The following PPP1R13B variants were observed in gnomAD, a reference collection of about 807,000 sequenced individuals.
PPP1R13B encodes apoptosis-stimulating of p53 protein 1.
Under a neutral mutation model 119.8 loss-of-function variants are expected in PPP1R13B, and 44 were observed. The ratio of observed to expected loss-of-function variants is 0.37; its 90% CI spans 0.29 to 0.47. PPP1R13B has a LOEUF of 0.47. Ranked by LOEUF, PPP1R13B falls within the 20% of genes least tolerant of loss-of-function variation. The probability of loss-of-function intolerance (pLI) is 0.99; values close to 1 mark genes in which losing one functional copy is unlikely to be tolerated. For missense variants in PPP1R13B, 1,227 were observed against 1,413.5 expected (o/e 0.87, Z 2.12); for synonymous variants, 542 against 561.5 (o/e 0.97, Z 0.49).
chr14:103,769,205 C>T (rs1464725825), intron 4 of PPP1R13B, among the ~76,000 whole-genome samples: 1 of 152,152 alleles, frequency 6.6e-6, no homozygotes, highest in Non-Finnish European at 1.5e-5. Flanking sequence ...CCTGCTTAAG[C>T]CTCCCGAGTA....
rs1373928893 is a variant in PPP1R13B at position 103,762,800 on chromosome 14, G to C, written c.355-5049C>G. The C allele has an allele frequency of 2.6e-5, 21 of 804,724 alleles. No homozygotes were observed. The Admixed American group carries it at 4.0e-4, about 15-fold the overall frequency. The allele number at this position is 804,724 out of a possible 1,614,324, so 49.8% of individuals were successfully genotyped here. ...GTGGTGGCGGCGGCCGCCCGCTCCA[G>C]CCATGCTGAATAAAAACAGGAAGGA... On this transcript the variant is annotated intron_variant, in intron 4 of 16. Coordinates refer to ENST00000202556, the MANE Select transcript of PPP1R13B (RefSeq NM_015316.3).
At chr14:103,793,866 T>G (rs1826721739) in intron 2 of PPP1R13B, among the ~76,000 whole-genome samples, 1 of 152,204 alleles carries the variant, frequency 6.6e-6, no homozygotes, top group South Asian at 2.1e-4. Flanking sequence ...CCCCGCTAAA[T>G]TCATCTGTTG....
chr14:103,739,822 A>G lies in PPP1R13B; in HGVS notation c.2592+2T>C. 1 of 1,601,142 alleles carries G rather than the reference A, an allele frequency of 6.2e-7. No homozygotes were observed. Among genetic ancestry groups the G allele is most frequent in the East Asian group, 2.2e-5 (1 of 44,684 alleles). On this transcript the variant is annotated splice_donor_variant, in intron 12 of 16. Transcript: ENST00000202556. LOFTEE classifies it high-confidence loss of function. ...AGGCTTTGGTCTAGCAATGACACCCACCGTGGAGGTGGCAGGAGGGTGGCT... is the reference window on the plus strand; with the variant it reads ...AGGCTTTGGTCTAGCAATGACACCCGCCGTGGAGGTGGCAGGAGGGTGGCT...
At chr14:103,758,414 C>T (rs1401619640) in intron 4 of PPP1R13B, among the ~76,000 whole-genome samples, 1 of 152,144 alleles carries the variant, frequency 6.6e-6, no homozygotes, top group African/African-American at 2.4e-5. Flanking sequence ...CTGTTACATC[C>T]CTGTTTTACA....
rs2084240147 is a variant in PPP1R13B, at chr14:103,740,850, A to G, written c.1823-257T>C. 6.6e-6 allele frequency among the ~76,000 whole-genome samples: 1 copy of G among 152,236 alleles called. No individual in the cohort carries two copies. On this transcript the variant is annotated intron_variant, in intron 11 of 16. Coordinates refer to ENST00000202556, the MANE Select transcript of PPP1R13B (RefSeq NM_015316.3). This position sits in a 1 kb window ranked among gnomAD's most constrained non-coding sequence, Gnocchi z 4.6. The stretch of plus-strand genomic sequence containing the variant: ...CCAGAACTGGAGCTTTTTCAAAAGA[A>G]AAAAATAGGGTGCTAACCCGACTTT...
At chr14:103,800,303 G>A (rs2085867830) in intron 1 of PPP1R13B, among the ~76,000 whole-genome samples, 1 of 152,150 alleles carries the variant, frequency 6.6e-6, no homozygotes, top group Non-Finnish European at 1.5e-5. Context: ...GGGCAACAGA[G>A]CCAGACCTTA....
chr14:103,826,512 G>A (rs1011417691), intron 1 of PPP1R13B, among the ~76,000 whole-genome samples: 5 of 152,182 alleles, frequency 3.3e-5, no homozygotes, highest in South Asian at 4.1e-4. Context: ...ATTTCTCCTC[G>A]CTTTATAGTA....
At position 103,733,988 on chromosome 14, in the gene PPP1R13B, T is replaced by C. The variant is rs2151955310; in HGVS notation, c.*1166A>G. On this transcript the variant is annotated 3_prime_UTR_variant, in exon 17 of 17. Coordinates refer to ENST00000202556, the MANE Select transcript of PPP1R13B (RefSeq NM_015316.3). ...ATGAAAAATAGAGCCTAAGGGCCTG[T>C]ATTTTAATGAGAAAAAAAAAATTTC... 1 of 161,282 alleles carries C rather than the reference T, an allele frequency of 6.2e-6. No individual in the cohort carries two copies. Among genetic ancestry groups the C allele is most frequent in the East Asian group, 1.7e-4 (1 of 5,806 alleles). 10.0% of individuals were successfully genotyped at this position (161,282 alleles called of 1,614,324 possible). A position where few individuals can be genotyped will look rare whatever the true frequency, so the allele number is the denominator to read the frequency against.
In PPP1R13B at chr14:103,761,619, C is replaced by T. The variant is rs185743189; in HGVS notation, c.355-3868G>A. On this transcript the variant is annotated intron_variant, in intron 4 of 16. Transcript: ENST00000202556. ...TCTACTAAAAATACAAAAAATTAGC[C>T]GGGCATGGTGGCAGGTGCCTGTAAT... is the stretch of plus-strand genomic sequence containing the variant. Among the ~76,000 whole-genome samples the T allele has an allele frequency of 1.8e-3, 278 of 151,922 alleles. 1 individual carries two copies. Among genetic ancestry groups the T allele is most frequent in the African/African-American group, 6.3e-3 (262 of 41,434 alleles).
rs1420753571 is a variant in PPP1R13B at position 103,756,092 on chromosome 14, T to C, written c.456+1558A>G. On this transcript the variant is annotated intron_variant, in intron 5 of 16. Coordinates refer to ENST00000202556, the MANE Select transcript of PPP1R13B (RefSeq NM_015316.3). ...CTTTAAAGCCAGTTTGGAATTTTTTTTTCTTTTTTTTTTTCATTTTGAGAC... is the reference window on the plus strand; with the variant it reads ...CTTTAAAGCCAGTTTGGAATTTTTTCTTCTTTTTTTTTTTCATTTTGAGAC... Among the ~76,000 whole-genome samples, 5 of 152,082 alleles carry C rather than the reference T, an allele frequency of 3.3e-5. No individual in the cohort carries two copies. In the East Asian group the frequency reaches 9.6e-4, roughly 29 times the overall value.
intron 1 of PPP1R13B, among the ~76,000 whole-genome samples, chr14:103,830,636 A>G (rs560410664): frequency 2.6e-5 from 4 of 152,238 alleles, no homozygotes; most frequent in African/African-American, 4.8e-5. Context: ...CCAAGTATTC[A>G]TAACTGAAAA....
At chr14:103,762,748 G>A (rs184844197) in intron 4 of PPP1R13B, 7 of 683,170 alleles carry the variant, frequency 1.0e-5, no homozygotes, top group African/African-American at 5.3e-5. Flanking sequence ...ACGGATGGGG[G>A]TGGAGGCGCT....
intron 1 of PPP1R13B, among the ~76,000 whole-genome samples, chr14:103,828,090 G>A (rs1567155659): frequency 1.3e-5 from 2 of 152,046 alleles, no homozygotes; most frequent in Non-Finnish European, 2.9e-5. Context: ...AGCACGGCCG[G>A]GTGCAGTGGT....
At chr14:103,838,204 G>A (rs935507091) in intron 1 of PPP1R13B, among the ~76,000 whole-genome samples, 4 of 129,106 alleles carry the variant, frequency 3.1e-5, no homozygotes, top group African/African-American at 1.3e-4. Flanking sequence ...GTCTAACTCT[G>A]TTATGGCACA....
chr14:103,811,039 G>A (rs905393497), intron 1 of PPP1R13B, among the ~76,000 whole-genome samples: 5 of 134,708 alleles, frequency 3.7e-5, no homozygotes, highest in African/African-American at 8.6e-5. Flanking sequence ...GTTGCAGTAA[G>A]CTGAGATTAT....
At chr14:103,744,059 G>A (rs2084327221) in intron 9 of PPP1R13B, 1 of 152,238 alleles carries the variant, frequency 6.6e-6, no homozygotes, top group African/African-American at 2.4e-5. Context: ...GTGGCCTGGA[G>A]GATGTGTGGC....
intron 2 of PPP1R13B, chr14:103,794,471 T>C: frequency 4.5e-6 from 1 of 222,192 alleles, no homozygotes; most frequent in South Asian, 5.1e-5. Flanking sequence ...GGATTACAGG[T>C]GCCCACCACC....
In PPP1R13B at chr14:103,738,527, C is replaced by A; in HGVS notation, c.2864+152G>T. 1 of 1,248,982 alleles carries A rather than the reference C, an allele frequency of 8.0e-7. No individual in the cohort carries two copies. The highest frequency in any genetic ancestry group is 1.5e-5 in the African/African-American group (1 of 66,372). The allele number at this position is 1,248,982 out of a possible 1,614,324, so 77.4% of individuals were successfully genotyped here. Reference sequence around the variant, plus strand: ...AAGGCTGGAAAAAAAGGCAAGGAAACCCTGGCAACAGCTGTCTTTCAAGGA... The same window carrying A: ...AAGGCTGGAAAAAAAGGCAAGGAAAACCTGGCAACAGCTGTCTTTCAAGGA... On this transcript the variant is annotated intron_variant, in intron 14 of 16. Coordinates refer to ENST00000202556, the MANE Select transcript of PPP1R13B (RefSeq NM_015316.3). This position sits in a 1 kb window ranked among gnomAD's most constrained non-coding sequence, Gnocchi z 5.6.
At chr14:103,837,890 A>T (rs949111025) in intron 1 of PPP1R13B, among the ~76,000 whole-genome samples, 7 of 152,130 alleles carry the variant, frequency 4.6e-5, no homozygotes, top group Admixed American at 2.0e-4. Flanking sequence ...AGGCCAAGGC[A>T]GACAGATCAC....
Sources: allele counts gnomAD v4.1 joint callset (sites outside exome capture counted in the v4.1 genomes callset), GRCh38; gene constraint gnomAD v4.1.1; non-coding constraint Gnocchi (gnomAD v3.1); transcripts MANE v1.5; gene names NCBI Gene and HGNC (gene_info 2026-07-23, HGNC 2026-07-21).